The following MAPK8IP3 variants were observed in gnomAD, a reference collection of about 807,000 sequenced individuals.
MAPK8IP3 encodes C-Jun-amino-terminal kinase-interacting protein 3.
In MAPK8IP3, 49 loss-of-function variants were observed where a neutral mutation model predicts 157.8. The observed-to-expected ratio is 0.31, with a 90% CI of 0.25 to 0.39. The LOEUF (loss-of-function observed/expected upper bound fraction) is 0.39, where lower values mean the gene tolerates loss of function less well. Among genes scored for constraint, MAPK8IP3 ranks in the 10% least tolerant of loss-of-function variants. The probability of loss-of-function intolerance (pLI) is 1.00; values close to 1 mark genes in which losing one functional copy is unlikely to be tolerated. For synonymous variants in MAPK8IP3, 897 were observed against 777.7 expected (o/e 1.15, Z -2.55); for missense variants, 1,478 against 1,889.4 (o/e 0.78, Z 4.04).
Position 1,748,941 on chromosome 16 carries a change from C to G in MAPK8IP3, c.1216+221C>G, listed in dbSNP as rs370675694. 6.6e-5 allele frequency: 46 copies of G among 695,002 alleles called. 1 individual carries two copies. The African/African-American group carries it at 7.9e-4, about 12-fold the overall frequency. The allele number at this position is 695,002 out of a possible 1,614,324, so 43.1% of individuals were successfully genotyped here. A position where few individuals can be genotyped will look rare whatever the true frequency, so the allele number is the denominator to read the frequency against. On this transcript the variant is annotated intron_variant, in intron 8 of 31. Transcript: ENST00000610761. ...AAGGATGCCAAAATCTGAGGCTTCT[C>G]AAGTCCCTGCTCTGAAGTGGTGTAG...
In MAPK8IP3 at chr16:1,766,009, C is replaced by A. The variant is rs534690085; in HGVS notation, c.2496C>A (p.Asp832Glu). 6.2e-7 allele frequency: 1 copy of A among 1,612,814 alleles called. No individual in the cohort carries two copies. Among genetic ancestry groups the A allele is most frequent in the South Asian group, 1.1e-5 (1 of 91,072 alleles). ...YPPGEMFLDS[D>E]VNPEDPGADG... is the part of the protein sequence containing the mutation. ...CCGGGGAGATGTTCCTGGACAGCGA[C>A]GTGAACCCAGAGGACCCGGGCGCAG... Residue 832 changes from aspartate (D) to glutamate (E), a missense_variant, in exon 21 of 32, where the codon GAC (aspartate) becomes GAA (glutamate). Physicochemically the swap from Asp to Glu is conservative, Grantham distance 45. Around this residue, in one of 11 missense-constraint regions of MAPK8IP3, gnomAD observed 669 missense variants for 759.8 expected, o/e 0.88. Transcript: ENST00000610761.
chr16:1,738,878 T>G, intron 4 of MAPK8IP3, among the ~76,000 whole-genome samples: 1 of 118,546 alleles, frequency 8.4e-6, no homozygotes, highest in Admixed American at 9.2e-5. Flanking sequence ...AGTGTGACCA[T>G]CCATGTGAGC....
intron 4 of MAPK8IP3, among the ~76,000 whole-genome samples, chr16:1,732,134 C>T (rs189602747): frequency 3.0e-4 from 46 of 152,328 alleles, no homozygotes; most frequent in African/African-American, 9.6e-4. Context: ...ACCAGAGACG[C>T]GACCTGGGCT....
Position 1,770,245 on chromosome 16 carries a change from T to A in MAPK8IP3, c.*1421T>A, listed in dbSNP as rs2042536951. 6.0e-6 allele frequency: 1 copy of A among 166,632 alleles called. No individual in the cohort carries two copies. The highest frequency in any genetic ancestry group is 1.3e-5 in the Non-Finnish European group (1 of 77,978). The allele number at this position is 166,632 out of a possible 1,614,324, so 10.3% of individuals were successfully genotyped here. ...GGGGCGGCTGGGGGAGGGGTGACGA[T>A]TCTCCTCAGGCTTTGGCCCTGCAAG... On this transcript the variant is annotated 3_prime_UTR_variant, in exon 32 of 32. Coordinates refer to ENST00000610761, the MANE Select transcript of MAPK8IP3 (RefSeq NM_001318852.2).
chr16:1,731,772 AT>A (rs905886765), intron 4 of MAPK8IP3, among the ~76,000 whole-genome samples: 2 of 152,200 alleles, frequency 1.3e-5, no homozygotes, highest in Non-Finnish European at 2.9e-5. Context: ...AGGATTTGAG[AT>A]CACAATCTTA....
intron 4 of MAPK8IP3, among the ~76,000 whole-genome samples, chr16:1,733,522 T>C (rs1270947272): frequency 6.6e-6 from 1 of 152,216 alleles, no homozygotes; most frequent in Non-Finnish European, 1.5e-5. Flanking sequence ...GAGTACTTCG[T>C]CCTGCATGTT....
chr16:1,736,815 T>A (rs1596637666), intron 4 of MAPK8IP3, among the ~76,000 whole-genome samples: 2 of 64,728 alleles, frequency 3.1e-5, no homozygotes, highest in East Asian at 5.9e-4. Context: ...CGTGTGACCG[T>A]CCGTGTGAGC....
chr16:1,762,781 G>C (rs1170385963), intron 15 of MAPK8IP3, 50 bp downstream of exon 15: 1 of 1,597,910 alleles, frequency 6.3e-7, no homozygotes, highest in Admixed American at 1.7e-5. Flanking sequence ...AGGGGAAGGG[G>C]CAGGGAGGTT....
chr16:1,768,877 C>T lies in MAPK8IP3; in HGVS notation c.*53C>T. On this transcript the variant is annotated 3_prime_UTR_variant, in exon 32 of 32. Transcript: ENST00000610761. Reference sequence around the variant, plus strand: ...TACATAGGACCCCCGACCACCTGACCCCCGCCCGGCCCGCGGGGTAGCCAG... The same window carrying T: ...TACATAGGACCCCCGACCACCTGACTCCCGCCCGGCCCGCGGGGTAGCCAG... The T allele has an allele frequency of 6.3e-7, 1 of 1,591,338 alleles. No homozygotes were observed. The highest frequency in any genetic ancestry group is 8.5e-7 in the Non-Finnish European group (1 of 1,169,618).
rs1354067162 is a variant in MAPK8IP3, at chr16:1,706,288, G to C, written c.-52G>C. 3 of 1,477,324 alleles carry C rather than the reference G, an allele frequency of 2.0e-6. No individual in the cohort carries two copies. Among genetic ancestry groups the C allele is most frequent in the Admixed American group, 4.3e-5 (2 of 46,250 alleles). 91.5% of individuals were successfully genotyped at this position (1,477,324 alleles called of 1,614,324 possible). A position where few individuals can be genotyped will look rare whatever the true frequency, so the allele number is the denominator to read the frequency against. On this transcript the variant is annotated 5_prime_UTR_variant, in exon 1 of 32. Transcript: ENST00000610761. The surrounding 1 kb of genome is among the most constrained non-coding windows in gnomAD (Gnocchi z 5.1). ...GCGGAACCTGAGGCAGCTGGGGAGGGCCGGGCGCGCCGGCCGGATAGCGAG... is the reference window on the plus strand; with the variant it reads ...GCGGAACCTGAGGCAGCTGGGGAGGCCCGGGCGCGCCGGCCGGATAGCGAG...
At chr16:1,740,486 T>C (rs1199012329) in intron 4 of MAPK8IP3, among the ~76,000 whole-genome samples, 1 of 152,206 alleles carries the variant, frequency 6.6e-6, no homozygotes, top group Non-Finnish European at 1.5e-5. Context: ...TGAGCATCTG[T>C]GTGACCGTCC....
In MAPK8IP3 at chr16:1,768,969, C is replaced by G; in HGVS notation, c.*145C>G. The G allele has an allele frequency of 1.0e-6, 1 of 953,412 alleles. No individual in the cohort carries two copies. The highest frequency in any genetic ancestry group is 1.5e-6 in the Non-Finnish European group (1 of 645,924). 59.1% of individuals were successfully genotyped at this position (953,412 alleles called of 1,614,324 possible). On this transcript the variant is annotated 3_prime_UTR_variant, in exon 32 of 32. Transcript: ENST00000610761. ...TTTCACCTGAGTCTGGCCCCTCCAG[C>G]GGGCAGGGAGTGCGGGGATGCGGAT...
At chr16:1,721,688 G>A (rs774804697) in intron 1 of MAPK8IP3, among the ~76,000 whole-genome samples, 21 of 152,258 alleles carry the variant, frequency 1.4e-4, no homozygotes, top group Non-Finnish European at 2.4e-4. Flanking sequence ...CAATCCACTC[G>A]CCTCGGCCTC....
chr16:1,716,135 T>A (rs2038132868), intron 1 of MAPK8IP3, among the ~76,000 whole-genome samples: 1 of 152,174 alleles, frequency 6.6e-6, no homozygotes, highest in Non-Finnish European at 1.5e-5. Flanking sequence ...TGGCCATTGC[T>A]CTGACATTCT....
chr16:1,764,062 G>A (rs922636490), intron 17 of MAPK8IP3, 53 bp from the exon 18 acceptor site: 8 of 1,502,460 alleles, frequency 5.3e-6, no homozygotes, highest in Non-Finnish European at 7.2e-6. Flanking sequence ...GATTTCTGGA[G>A]GGATGGGTAG....
Position 1,748,634 on chromosome 16 carries a change from G to T in MAPK8IP3, c.1130G>T (p.Gly377Val). ...PTQGIVNKAFGINTDSLYHEL... is the reference protein window; with the variant it reads ...PTQGIVNKAFVINTDSLYHEL... ...CAGGGCATCGTGAACAAAGCTTTCG[G>T]CATCAACACCGACTCCCTGTACCAT... The change falls in exon 8 of 32, where the codon GGC (glycine) becomes GTC (valine). Residue 377 changes from glycine (G) to valine (V), a missense_variant. Physicochemically the swap from Gly to Val is moderately radical, Grantham distance 109 (BLOSUM62 -3). This residue lies in a region of MAPK8IP3 where 315 missense variants were observed against 394.4 expected (regional missense o/e 0.80). Coordinates refer to ENST00000610761, the MANE Select transcript of MAPK8IP3 (RefSeq NM_001318852.2). The T allele has an allele frequency of 6.2e-7, 1 of 1,614,130 alleles. No individual in the cohort carries two copies. The highest frequency in any genetic ancestry group is 8.5e-7 in the Non-Finnish European group (1 of 1,180,028).
intron 17 of MAPK8IP3, 42 bp from the exon 18 acceptor site, chr16:1,764,073 G>A: frequency 6.5e-7 from 1 of 1,536,542 alleles, no homozygotes; most frequent in Non-Finnish European, 8.8e-7. Context: ...GGATGGGTAG[G>A]AGCCAGGGTT....
chr16:1,723,322 G>A (rs1567145440), intron 1 of MAPK8IP3, among the ~76,000 whole-genome samples: 2 of 152,136 alleles, frequency 1.3e-5, no homozygotes, highest in Admixed American at 6.5e-5. Flanking sequence ...CAGGAGAATC[G>A]CTTGAACCCG....
rs2040671186 is a variant in MAPK8IP3 at position 1,741,413 on chromosome 16, C to T, written c.603-1919C>T. On this transcript the variant is annotated intron_variant, in intron 4 of 31. Transcript: ENST00000610761. The surrounding 1 kb of genome is among the most constrained non-coding windows in gnomAD (Gnocchi z 6.9). ...GTGGTGGCCTGGCTGAGCCGTGGCCCAGCATGGAGCTGTGTGGGTGGGAGA... is the reference window on the plus strand; with the variant it reads ...GTGGTGGCCTGGCTGAGCCGTGGCCTAGCATGGAGCTGTGTGGGTGGGAGA... Among the ~76,000 whole-genome samples, 1 of 152,138 alleles carries T rather than the reference C, an allele frequency of 6.6e-6. No individual in the cohort carries two copies. Among genetic ancestry groups the T allele is most frequent in the Non-Finnish European group, 1.5e-5 (1 of 68,002 alleles).
Sources: allele counts gnomAD v4.1 joint callset (sites outside exome capture counted in the v4.1 genomes callset), GRCh38; gene constraint gnomAD v4.1.1; regional missense constraint gnomAD v4.1.1; non-coding constraint Gnocchi (gnomAD v3.1); transcripts MANE v1.5; gene names NCBI Gene and HGNC (gene_info 2026-07-23, HGNC 2026-07-21).